CEP83: variants seen among roughly 807,000 people sequenced by gnomAD.
The protein encoded by CEP83 is centrosomal protein 83, also known as centrosomal protein of 83 kDa.
A neutral mutation model predicts 101.9 loss-of-function variants in CEP83; 70 were observed. That is an observed-to-expected ratio of 0.69 (90% CI 0.57 to 0.84). CEP83 has a LOEUF of 0.84. Among genes scored for constraint, CEP83 ranks in the 40% least tolerant of loss-of-function variants. The pLI, the probability that CEP83 is intolerant of heterozygous loss-of-function variation, is 0.00. For synonymous variants in CEP83, 264 were observed against 267.9 expected, an observed-to-expected ratio of 0.99 and a Z score of 0.14; for missense variants, 715 against 787.2, an observed-to-expected ratio of 0.91 and a Z score of 1.10.
chr12:94,381,297 T>A (rs1412747643), intron 6 of CEP83, among the ~76,000 whole-genome samples: 1 of 152,186 alleles, frequency 6.6e-6, no homozygotes, highest in Non-Finnish European at 1.5e-5. Flanking sequence ...TCTCAATCTT[T>A]CCTCTAAATT....
At chr12:94,402,898 C>CA (rs745378834) in intron 5 of CEP83, 53 of 185,414 alleles carry the variant, frequency 2.9e-4, no homozygotes, top group Non-Finnish European at 5.0e-4. Flanking sequence ...GACTCTGTCG[C>CA]AAAAAAATTA....
At chr12:94,304,105 G>C (rs1164376657), downstream of CEP83, 2 of 1,108,134 alleles carry the variant, frequency 1.8e-6, no homozygotes, top group African/African-American at 3.1e-5. Flanking sequence ...CAAGGATGTG[G>C]TTATAGCATT....
At position 94,313,256 on chromosome 12, in the gene CEP83, T is replaced by C. The variant is rs140353336; in HGVS notation, c.1708-239A>G. On this transcript the variant is annotated intron_variant, in intron 14 of 16. Transcript: ENST00000397809. Reference sequence around the variant, plus strand: ...TGAATGCCAAACAAAAAAACTGTTATCAATAATTGCTGCAAAAAAAAAATC... The same window carrying C: ...TGAATGCCAAACAAAAAAACTGTTACCAATAATTGCTGCAAAAAAAAAATC... 1,119 of 264,444 alleles carry C rather than the reference T, an allele frequency of 4.2e-3. 16 individuals carry two copies. The highest frequency in any genetic ancestry group is 0.024 in the African/African-American group (1,041 of 43,888). 16.4% of individuals were successfully genotyped at this position (264,444 alleles called of 1,614,324 possible).
intron 14 of CEP83, among the ~76,000 whole-genome samples, chr12:94,326,471 G>A (rs915025077): frequency 2.4e-4 from 36 of 152,070 alleles, no homozygotes; most frequent in Non-Finnish European, 8.8e-5. Context: ...TTTAACTTGT[G>A]GGATCTGACT....
intron 2 of CEP83, among the ~76,000 whole-genome samples, chr12:94,419,645 T>C (rs1269565702): frequency 6.6e-6 from 1 of 152,148 alleles, no homozygotes; most frequent in Non-Finnish European, 1.5e-5. Context: ...GCCATTGGCT[T>C]AATTATAGAC....
intron 14 of CEP83, among the ~76,000 whole-genome samples, chr12:94,319,003 C>T (rs1010629118): frequency 6.6e-6 from 1 of 152,136 alleles, no homozygotes; most frequent in African/African-American, 2.4e-5. Flanking sequence ...CTTCTTTGAA[C>T]ATTTGGTAGC....
chr12:94,268,712 A>T, the CEP83 span, among the ~76,000 whole-genome samples: 10 of 147,622 alleles, frequency 6.8e-5, no homozygotes, highest in African/African-American at 1.0e-4. Context: ...CTCCTGCCTC[A>T]GCCTCCCAAA....
chr12:94,435,990 C>A lies in CEP83; in HGVS notation c.-154-663G>T, dbSNP rs371550452. Reference sequence around the variant, plus strand: ...AGACCCAGAACGGTAATAACAATCACCTCAGTCTGGCTCCTAGGAAGCCCC... The same window carrying A: ...AGACCCAGAACGGTAATAACAATCAACTCAGTCTGGCTCCTAGGAAGCCCC... On this transcript the variant is annotated intron_variant, in intron 1 of 16. Coordinates refer to ENST00000397809, the MANE Select transcript of CEP83 (RefSeq NM_016122.3). Among the ~76,000 whole-genome samples the A allele has an allele frequency of 4.6e-5, 7 of 152,180 alleles. 1 individual carries two copies. The highest frequency in any genetic ancestry group is 1.7e-4 in the African/African-American group (7 of 41,508).
chr12:94,413,399 A>G (rs947593933), intron 2 of CEP83, among the ~76,000 whole-genome samples: 1 of 152,194 alleles, frequency 6.6e-6, no homozygotes, highest in Non-Finnish European at 1.5e-5. Flanking sequence ...CTACCACAGT[A>G]AGCTTCAAGT....
At chr12:94,340,648 G>T (rs981225410) in intron 11 of CEP83, among the ~76,000 whole-genome samples, 14 of 152,136 alleles carry the variant, frequency 9.2e-5, no homozygotes, top group African/African-American at 3.1e-4. Context: ...AGTTGGCCAG[G>T]CTGGTCTCAA....
chr12:94,386,742 C>A (rs767435245), intron 6 of CEP83, among the ~76,000 whole-genome samples: 20 of 152,160 alleles, frequency 1.3e-4, no homozygotes, highest in Non-Finnish European at 2.9e-4. Flanking sequence ...GCAGAAATCC[C>A]CAGACTACTT....
At chr12:94,382,016 A>G (rs1263706454) in intron 6 of CEP83, among the ~76,000 whole-genome samples, 1 of 152,062 alleles carries the variant, frequency 6.6e-6, no homozygotes, top group East Asian at 1.9e-4. Flanking sequence ...GAGTTTTAAA[A>G]TTACAGATTG....
chr12:94,373,214 C>G (rs1207090966), intron 8 of CEP83, among the ~76,000 whole-genome samples: 1 of 152,100 alleles, frequency 6.6e-6, no homozygotes, highest in Non-Finnish European at 1.5e-5. Context: ...GACCAAGTCA[C>G]CCTGTTCTTC....
chr12:94,297,568 C>T, the CEP83 span: 1 of 625,668 alleles, frequency 1.6e-6, no homozygotes, highest in Non-Finnish European at 2.9e-6. Flanking sequence ...GTAAACACTT[C>T]CTACCCAGTT....
chr12:94,266,904 T>C, the CEP83 span, among the ~76,000 whole-genome samples: 1 of 152,198 alleles, frequency 6.6e-6, no homozygotes, highest in Non-Finnish European at 1.5e-5. Flanking sequence ...GTGCCCGGGC[T>C]TTCCCTCGGG....
the CEP83 span, chr12:94,272,003 G>C: frequency 6.6e-6 from 1 of 151,940 alleles, no homozygotes; most frequent in African/African-American, 2.4e-5. Context: ...CCATTGGGCA[G>C]ATGTGAACAG....
the CEP83 span, chr12:94,281,893 C>G: frequency 5.0e-6 from 1 of 200,710 alleles, no homozygotes; most frequent in Non-Finnish European, 1.0e-5. Flanking sequence ...CTGGGACCTT[C>G]GCACACTGAT....
intron 1 of CEP83, among the ~76,000 whole-genome samples, chr12:94,441,354 A>C (rs2066381660): frequency 6.6e-6 from 1 of 152,236 alleles, no homozygotes; most frequent in Admixed American, 6.5e-5. Flanking sequence ...CCCATCAAAA[A>C]TTAGGGAAAG....
At chr12:94,364,872 C>T (rs1193323555) in intron 11 of CEP83, among the ~76,000 whole-genome samples, 2 of 152,102 alleles carry the variant, frequency 1.3e-5, no homozygotes, top group East Asian at 1.9e-4. Flanking sequence ...AAAGAATACA[C>T]TTCAAATAGA....
Sources: allele counts gnomAD v4.1 joint callset (sites outside exome capture counted in the v4.1 genomes callset), GRCh38; gene constraint gnomAD v4.1.1; transcripts MANE v1.5; gene names NCBI Gene and HGNC (gene_info 2026-07-23, HGNC 2026-07-21).